The following B3GALNT1 variants were observed in gnomAD, a reference collection of about 807,000 sequenced individuals.
B3GALNT1 encodes UDP-GalNAc:beta-1,3-N-acetylgalactosaminyltransferase 1.
In B3GALNT1, 17 loss-of-function variants were observed where a neutral mutation model predicts 27.3. The observed-to-expected ratio is 0.62, with a 90% CI of 0.43 to 0.94. B3GALNT1 has a LOEUF of 0.94. Ranked by LOEUF, B3GALNT1 falls within the 40% of genes least tolerant of loss-of-function variation. The probability of loss-of-function intolerance (pLI) is 0.00; values close to 1 mark genes in which losing one functional copy is unlikely to be tolerated. For missense variants in B3GALNT1, 347 were observed against 390.0 expected (o/e 0.89, Z 0.93); for synonymous variants, 141 against 144.0 (o/e 0.98, Z 0.15).
Position 161,103,442 on chromosome 3 carries a change from T to C in B3GALNT1, c.-145A>G. On this transcript the variant is annotated 5_prime_UTR_variant, in exon 3 of 5. Transcript: ENST00000320474. ...ATGAACTTACCTGTGGAATTCCAGA[T>C]GAAATTAAAGCTTAAGTTTTTTGTT... The C allele has an allele frequency of 3.2e-6, 4 of 1,268,318 alleles. No homozygotes were observed. The highest frequency in any genetic ancestry group is 4.1e-6 in the Non-Finnish European group (4 of 970,202). 78.6% of individuals were successfully genotyped at this position (1,268,318 alleles called of 1,614,324 possible).
At chr3:161,105,082 G>T (rs373494126) in intron 1 of B3GALNT1, 153 bp downstream of exon 1, 4 of 152,404 alleles carry the variant, frequency 2.6e-5, no homozygotes, top group African/African-American at 9.6e-5. Context: ...CCGCTCTAGA[G>T]GAGTGGGCGG....
In B3GALNT1 at chr3:161,086,738, C is replaced by A. The variant is rs1559969139; in HGVS notation, c.17G>T (p.Trp6Leu). 2 of 1,613,948 alleles carry A rather than the reference C, an allele frequency of 1.2e-6. No homozygotes were observed. The highest frequency in any genetic ancestry group is 2.2e-5 in the South Asian group (2 of 91,078). The change falls in exon 5 of 5, where the codon TGG becomes TTG. Residue 6 changes from tryptophan (W) to leucine (L), a missense_variant. Trp to Leu is a moderately conservative substitution (Grantham distance 61). Coordinates refer to ENST00000320474, the MANE Select transcript of B3GALNT1 (RefSeq NM_003781.4). ...TGACATCCTACTCGGAAGGACAGTCCAGAGAGCCGAGGCCATCCACAGCAG... is the reference window on the plus strand; with the variant it reads ...TGACATCCTACTCGGAAGGACAGTCAAGAGAGCCGAGGCCATCCACAGCAG... Reference protein sequence around the residue: MASALWTVLPSRMSLR... With the variant: MASALLTVLPSRMSLR...
At position 161,103,415 on chromosome 3, in the gene B3GALNT1, A is replaced by T. The variant is rs1232197565; in HGVS notation, c.-130+12T>A. 5.0e-6 allele frequency: 6 copies of T among 1,194,826 alleles called. No individual in the cohort carries two copies. The highest frequency in any genetic ancestry group is 3.3e-6 in the Non-Finnish European group (3 of 905,390). The allele number at this position is 1,194,826 out of a possible 1,614,324, so 74.0% of individuals were successfully genotyped here. The stretch of plus-strand genomic sequence containing the variant: ...TTAGGATAATTTATAAGTTAAAAGT[A>T]GATGAACTTACCTGTGGAATTCCAG... On this transcript the variant is annotated intron_variant, in intron 3 of 4. Transcript: ENST00000320474.
At chr3:161,101,039 C>T in intron 4 of B3GALNT1, 100 bp downstream of exon 4, 2 of 877,762 alleles carry the variant, frequency 2.3e-6, no homozygotes, top group Non-Finnish European at 3.2e-6. Context: ...CTCCTTCTGC[C>T]AGGGCACAGT....
At chr3:161,100,817 G>A (rs900404985) in intron 4 of B3GALNT1, among the ~76,000 whole-genome samples, 2 of 151,584 alleles carry the variant, frequency 1.3e-5, no homozygotes, top group African/African-American at 2.4e-5. Context: ...TACATGTTAG[G>A]ATTTTTAGCA....
chr3:161,086,680 C>G lies in B3GALNT1; in HGVS notation c.75G>C (p.Leu25=). 1 of 1,614,204 alleles carries G rather than the reference C, an allele frequency of 6.2e-7. No individual in the cohort carries two copies. The part of the protein sequence containing the change: ...LRSLKWSLLL[L]SLLSFFVMWY... ...ACATCACAAAGAAACTCAGGAGTGA[C>G]AGCAGCAGGAGGCTCCATTTGAGGG... is the stretch of plus-strand genomic sequence containing the variant. The change falls in exon 5 of 5, where the codon CTG becomes CTC. Residue 25 remains leucine (L), a synonymous_variant. Coordinates refer to ENST00000320474, the MANE Select transcript of B3GALNT1 (RefSeq NM_003781.4).
chr3:161,090,691 T>A (rs1234021936), intron 4 of B3GALNT1, among the ~76,000 whole-genome samples: 1 of 151,452 alleles, frequency 6.6e-6, no homozygotes, highest in Non-Finnish European at 1.5e-5. Context: ...TGAAACCCCA[T>A]CTCTACTTTA....
intron 4 of B3GALNT1, among the ~76,000 whole-genome samples, chr3:161,088,449 G>C (rs995938652): frequency 6.6e-6 from 1 of 152,112 alleles, no homozygotes. Flanking sequence ...GAGTGCAATG[G>C]ACACTGAGGC....
In B3GALNT1 at chr3:161,086,476, G is replaced by T. The variant is rs904947012; in HGVS notation, c.279C>A (p.Ala93=). ...CCCAAGTAACTCTAATGGCCTGCCT[G>T]GCTTTCACATCTGAAGGGTGGGAGG... ...LVTSHPSDVK[A]RQAIRVTWGE... The change falls in exon 5 of 5, where the codon GCC becomes GCA. Residue 93 remains alanine (A), a synonymous_variant. Transcript: ENST00000320474. The T allele has an allele frequency of 8.7e-6, 14 of 1,613,810 alleles. No homozygotes were observed. Among genetic ancestry groups the T allele is most frequent in the Non-Finnish European group, 1.2e-5 (14 of 1,180,026 alleles).
At chr3:161,097,236 T>C (rs1728682050) in intron 4 of B3GALNT1, among the ~76,000 whole-genome samples, 1 of 152,248 alleles carries the variant, frequency 6.6e-6, no homozygotes, top group Non-Finnish European at 1.5e-5. Flanking sequence ...TGCGGGTTTA[T>C]TGCCAGAGCT....
rs553484338 is a variant in B3GALNT1 at position 161,084,624 on chromosome 3, T to A, written c.*1135A>T. On this transcript the variant is annotated 3_prime_UTR_variant, in exon 5 of 5. Coordinates refer to ENST00000320474, the MANE Select transcript of B3GALNT1 (RefSeq NM_003781.4). ...ACGTCTATGAAGAAATTTCTTTCTA[T>A]AAAAGCACAAAATTTAAATCGGATT... 5 of 152,316 alleles carry A rather than the reference T, an allele frequency of 3.3e-5. No individual in the cohort carries two copies. The East Asian group carries it at 9.6e-4, about 29-fold the overall frequency. 9.4% of individuals were successfully genotyped at this position (152,316 alleles called of 1,614,324 possible).
intron 4 of B3GALNT1, 62 bp from the exon 5 acceptor site, chr3:161,086,850 T>C: frequency 6.7e-7 from 1 of 1,486,662 alleles, no homozygotes; most frequent in Non-Finnish European, 9.2e-7. Flanking sequence ...TCAAAAGACA[T>C]CTGACTATCT....
chr3:161,099,465 A>G (rs531138854), intron 4 of B3GALNT1, among the ~76,000 whole-genome samples: 1 of 152,342 alleles, frequency 6.6e-6, no homozygotes, highest in African/African-American at 2.4e-5. Flanking sequence ...AGCAGCCTAA[A>G]CAGACCTTAC....
intron 4 of B3GALNT1, among the ~76,000 whole-genome samples, chr3:161,099,417 A>C (rs992779191): frequency 6.6e-6 from 1 of 152,158 alleles, no homozygotes; most frequent in Non-Finnish European, 1.5e-5. Context: ...AGTTCGAAAA[A>C]CCAGCTGCAC....
chr3:161,098,533 T>C (rs1450241145), intron 4 of B3GALNT1, among the ~76,000 whole-genome samples: 1 of 152,150 alleles, frequency 6.6e-6, no homozygotes, highest in African/African-American at 2.4e-5. Context: ...GGCAACATGG[T>C]GAAACCTCAT....
At position 161,105,294 on chromosome 3, in the gene B3GALNT1, G is replaced by GCGCACACACGCAGCCTCCCCGCATC; in HGVS notation, c.-393_-369dup. On this transcript the variant is annotated 5_prime_UTR_variant, in exon 1 of 5. In the 5' UTR this introduces an upstream ATG that the reference lacks. Coordinates refer to ENST00000320474, the MANE Select transcript of B3GALNT1 (RefSeq NM_003781.4). Reference sequence around the variant, plus strand: ...GGAAGGTGGCCGGCGTTCTCTCCCTGCGCACACACGCAGCCTCCCCGCATC... The same window carrying GCGCACACACGCAGCCTCCCCGCATC: ...GGAAGGTGGCCGGCGTTCTCTCCCTGCGCACACACGCAGCCTCCCCGCATCCGCACACACGCAGCCTCCCCGCATC... 6.6e-6 allele frequency: 1 copy of GCGCACACACGCAGCCTCCCCGCATC among 152,046 alleles called. No homozygotes were observed. The highest frequency in any genetic ancestry group is 3.4e-3 in the Middle Eastern group (1 of 292). The allele number at this position is 152,046 out of a possible 1,614,324, so 9.4% of individuals were successfully genotyped here.
intron 4 of B3GALNT1, among the ~76,000 whole-genome samples, chr3:161,097,186 A>G (rs573115450): frequency 2.2e-4 from 34 of 152,362 alleles, no homozygotes; most frequent in Middle Eastern, 3.4e-3. Context: ...TTTAAGCTTC[A>G]GTTACCTTAT....
rs954728377 is a variant in B3GALNT1, at chr3:161,085,242, A to T, written c.*517T>A. On this transcript the variant is annotated 3_prime_UTR_variant, in exon 5 of 5. Transcript: ENST00000320474. ...AATTTTAAATAATAATAACTGTGAA[A>T]TACTGCAACATCTTGAAGTACTTTA... The T allele has an allele frequency of 1.3e-5, 2 of 152,736 alleles. No homozygotes were observed. The highest frequency in any genetic ancestry group is 2.9e-5 in the Non-Finnish European group (2 of 68,444). The allele number at this position is 152,736 out of a possible 1,614,324, so 9.5% of individuals were successfully genotyped here.
rs766286537 is a variant in B3GALNT1 at position 161,085,892 on chromosome 3, T to G, written c.863A>C (p.Asn288Thr). The part of the protein sequence containing the change: ...KVNIHIPEDT[N>T]LFFLYRIHLD... ...ATGGATTCTATATAGAAAGAAAAGA[T>G]TTGTGTCTTCTGGAATATGAATGTT... Residue 288 changes from asparagine to threonine, a missense_variant, in exon 5 of 5, where the codon AAT becomes ACT. Asn to Thr is a moderately conservative substitution (Grantham distance 65, BLOSUM62 0). Transcript: ENST00000320474. 6.2e-7 allele frequency: 1 copy of G among 1,613,476 alleles called. No individual in the cohort carries two copies. Among genetic ancestry groups the G allele is most frequent in the South Asian group, 1.1e-5 (1 of 90,972 alleles).
Sources: gnomAD v4.1 joint callset for allele counts (sites outside exome capture counted in the v4.1 genomes callset) on GRCh38, gnomAD v4.1.1 for gene constraint, MANE v1.5 for transcripts, NCBI Gene and HGNC (gene_info 2026-07-23, HGNC 2026-07-21) for gene names.